Variants in HEATR5A observed in about 807,000 individuals in gnomAD.
HEATR5A encodes the protein HEAT repeat-containing protein 5A.
A neutral mutation model predicts 218.8 loss-of-function variants in HEATR5A; 178 were observed. That is an observed-to-expected ratio of 0.81 (90% CI 0.72 to 0.92). HEATR5A has a LOEUF of 0.92. Among genes scored for constraint, HEATR5A ranks in the 40% least tolerant of loss-of-function variants. The pLI is 0.00. For missense variants in HEATR5A, 2,420 were observed against 2,418.9 expected (o/e 1.00, Z -0.01); for synonymous variants, 864 against 871.6 (o/e 0.99, Z 0.15).
At chr14:31,303,869 A>AC in intron 32 of HEATR5A, among the ~76,000 whole-genome samples, 1 of 152,160 alleles carries the variant, frequency 6.6e-6, no homozygotes, top group Non-Finnish European at 1.5e-5. Flanking sequence ...AAAAAAGGTA[A>AC]CGATTAGCAG....
Position 31,394,065 on chromosome 14 carries a change from T to C in HEATR5A, c.759A>G (p.Lys253=), listed in dbSNP as rs1380070352. 1 of 1,521,000 alleles carries C rather than the reference T, an allele frequency of 6.6e-7. No homozygotes were observed. Among genetic ancestry groups the C allele is most frequent in the Non-Finnish European group, 8.8e-7 (1 of 1,140,468 alleles). 94.2% of individuals were successfully genotyped at this position (1,521,000 alleles called of 1,614,324 possible). A position where few individuals can be genotyped will look rare whatever the true frequency, so the allele number is the denominator to read the frequency against. The change falls in exon 6 of 36, where the codon AAA becomes AAG. Residue 253 remains lysine, a synonymous_variant. Coordinates refer to ENST00000543095, the MANE Select transcript of HEATR5A (RefSeq NM_015473.4). The part of the protein sequence containing the change: ...GIILAKAVIS[K]HPGTAASRQS... ...ACATGTATTTACCTGTTCCTGGATG[T>C]TTAGAAATTACAGCTTTAGCTAATA...
At chr14:31,294,637 C>CTGACCTCTT (rs1359813751) in intron 34 of HEATR5A, among the ~76,000 whole-genome samples, 1 of 152,020 alleles carries the variant, frequency 6.6e-6, no homozygotes, top group Non-Finnish European at 1.5e-5. Context: ...TCTCGAACTC[C>CTGACCTCTT]TGACCTCAAG....
intron 26 of HEATR5A, among the ~76,000 whole-genome samples, chr14:31,316,860 T>A (rs537454355): frequency 3.3e-5 from 5 of 152,172 alleles, no homozygotes; most frequent in Admixed American, 1.3e-4. Flanking sequence ...GCTAATTTTT[T>A]ATTTTTTTAT....
intron 11 of HEATR5A, among the ~76,000 whole-genome samples, chr14:31,379,412 G>A (rs1341651512): frequency 6.6e-6 from 1 of 150,418 alleles, no homozygotes; most frequent in Non-Finnish European, 1.5e-5. Context: ...CACCATGCCC[G>A]GCTAATTTTT....
At chr14:31,311,110 G>C (rs553320997) in intron 28 of HEATR5A, among the ~76,000 whole-genome samples, 25 of 151,770 alleles carry the variant, frequency 1.6e-4, no homozygotes, top group Non-Finnish European at 3.1e-4. Flanking sequence ...AACTTTACAG[G>C]CTCATCCTAA....
At chr14:31,351,630 T>C (rs972257691) in intron 16 of HEATR5A, among the ~76,000 whole-genome samples, 20 of 152,188 alleles carry the variant, frequency 1.3e-4, no homozygotes, top group African/African-American at 4.6e-4. Flanking sequence ...CAAAGCATAG[T>C]TGGGGATCCA....
intron 7 of HEATR5A, among the ~76,000 whole-genome samples, chr14:31,388,598 T>C (rs2030325751): frequency 6.6e-6 from 1 of 152,178 alleles, no homozygotes; most frequent in African/African-American, 2.4e-5. Flanking sequence ...AAACAAAAAA[T>C]CTTTGTGTTT....
intron 6 of HEATR5A, among the ~76,000 whole-genome samples, chr14:31,391,544 G>T (rs879512546): frequency 6.6e-6 from 1 of 150,928 alleles, no homozygotes; most frequent in African/African-American, 2.5e-5. Flanking sequence ...TATTATTAAA[G>T]AAAAATACAC....
At chr14:31,409,305 C>A (rs1486488229) in intron 1 of HEATR5A, among the ~76,000 whole-genome samples, 3 of 150,996 alleles carry the variant, frequency 2.0e-5, no homozygotes, top group Non-Finnish European at 4.4e-5. Context: ...GCCTCGGCAT[C>A]CCAAAGTGCT....
In HEATR5A at chr14:31,293,047, T is replaced by G; in HGVS notation, c.*258A>C. 5.2e-6 allele frequency: 2 copies of G among 388,314 alleles called. No homozygotes were observed. Among genetic ancestry groups the G allele is most frequent in the Non-Finnish European group, 4.6e-6 (1 of 219,436 alleles). The allele number at this position is 388,314 out of a possible 1,614,324, so 24.1% of individuals were successfully genotyped here. A position where few individuals can be genotyped will look rare whatever the true frequency, so the allele number is the denominator to read the frequency against. On this transcript the variant is annotated 3_prime_UTR_variant, in exon 36 of 36. Transcript: ENST00000543095. ...GTGGATTGTTTAGTAAGTTTAGTTCTTTAGCACTTTCTTAAAATTCCTGGC... is the reference window on the plus strand; with the variant it reads ...GTGGATTGTTTAGTAAGTTTAGTTCGTTAGCACTTTCTTAAAATTCCTGGC...
At chr14:31,326,052 G>C (rs1271611774) in intron 23 of HEATR5A, 111 bp downstream of exon 23, 3 of 758,836 alleles carry the variant, frequency 4.0e-6, no homozygotes, top group Non-Finnish European at 6.7e-6. Flanking sequence ...CAATCAGACA[G>C]TCAGAATCCA....
rs1476970390 is a variant in HEATR5A, at chr14:31,321,554, G to C, written c.3914C>G (p.Thr1305Ser). The change falls in exon 25 of 36, where the codon ACT (threonine) becomes AGT (serine). Residue 1305 changes from threonine to serine, a missense_variant. Physicochemically the swap from Thr to Ser is moderately conservative, Grantham distance 58. Coordinates refer to ENST00000543095, the MANE Select transcript of HEATR5A (RefSeq NM_015473.4). ...MLLVVIRRFA[T>S]VPEPEFPGHV... ...ACCTGGAAACTCTGGTTCTGGAACA[G>C]TTGCAAATCGCCGAATAACAACTAA... 3 of 1,605,974 alleles carry C rather than the reference G, an allele frequency of 1.9e-6. No homozygotes were observed. In the Admixed American group the frequency reaches 5.1e-5, roughly 27 times the overall value.
At chr14:31,331,476 G>C (rs1046838102) in intron 22 of HEATR5A, among the ~76,000 whole-genome samples, 1 of 152,132 alleles carries the variant, frequency 6.6e-6, no homozygotes, top group African/African-American at 2.4e-5. Flanking sequence ...CAAGTCTCTA[G>C]AAGTTCCAGA....
chr14:31,416,919 T>C (rs768670349), intron 1 of HEATR5A, among the ~76,000 whole-genome samples: 87 of 151,926 alleles, frequency 5.7e-4, no homozygotes, highest in Non-Finnish European at 9.9e-4. Context: ...CTGGGCGACA[T>C]AGCAAAACCG....
intron 6 of HEATR5A, among the ~76,000 whole-genome samples, chr14:31,391,207 A>C (rs1406591847): frequency 3.9e-5 from 6 of 152,178 alleles, no homozygotes; most frequent in African/African-American, 1.4e-4. Context: ...CAACTCACTG[A>C]AACCTCTGCC....
chr14:31,387,682 C>G (rs969406622), intron 7 of HEATR5A, among the ~76,000 whole-genome samples: 25 of 152,036 alleles, frequency 1.6e-4, no homozygotes, highest in Admixed American at 1.3e-4. Flanking sequence ...GCCTCAACCT[C>G]TCGAGTAGCT....
At chr14:31,400,162 T>G in intron 3 of HEATR5A, 139 bp downstream of exon 3, 1 of 557,362 alleles carries the variant, frequency 1.8e-6, no homozygotes, top group Admixed American at 3.5e-5. Flanking sequence ...TTAGTTTCTT[T>G]TTTAAGTTAG....
intron 28 of HEATR5A, among the ~76,000 whole-genome samples, chr14:31,311,742 C>A (rs1269797329): frequency 6.6e-6 from 1 of 152,064 alleles, no homozygotes; most frequent in Non-Finnish European, 1.5e-5. Context: ...TCTGATGCTG[C>A]AAAAGAAACA....
At position 31,343,906 on chromosome 14, in the gene HEATR5A, C is replaced by A; in HGVS notation, c.3218G>T (p.Ser1073Ile). ...CAATTCTATACTCACACAGAGGCAG[C>A]TAACCAGGCTAGACAAGTTGACATG... Reference protein sequence around the residue: ...PRHVNLSSLVSCLCVNLCSPY... With the variant: ...PRHVNLSSLVICLCVNLCSPY... The change falls in exon 21 of 36, where the codon AGC (serine) becomes ATC (isoleucine). Residue 1073 changes from serine to isoleucine, a missense_variant. Coordinates refer to ENST00000543095, the MANE Select transcript of HEATR5A (RefSeq NM_015473.4). 1 of 1,592,336 alleles carries A rather than the reference C, an allele frequency of 6.3e-7. No individual in the cohort carries two copies. Among genetic ancestry groups the A allele is most frequent in the Non-Finnish European group, 8.5e-7 (1 of 1,172,966 alleles).
Sources: allele counts gnomAD v4.1 joint callset (sites outside exome capture counted in the v4.1 genomes callset), GRCh38; gene constraint gnomAD v4.1.1; transcripts MANE v1.5; gene names NCBI Gene and HGNC (gene_info 2026-07-23, HGNC 2026-07-21).